Variants in CELA1 observed in about 807,000 individuals in gnomAD.
The protein encoded by CELA1 is chymotrypsin-like elastase family member 1.
A neutral mutation model predicts 34.8 loss-of-function variants in CELA1; 28 were observed. The ratio of observed to expected loss-of-function variants is 0.80; its 90% confidence interval spans 0.60 to 1.10. The LOEUF is 1.10. Among genes scored for constraint, CELA1 ranks in the 50% least tolerant of loss-of-function variants. The probability of loss-of-function intolerance (pLI) is 0.00; values close to 1 mark genes in which losing one functional copy is unlikely to be tolerated. For synonymous variants in CELA1, 140 were observed against 129.8 expected, an observed-to-expected ratio of 1.08 and a Z score of -0.53; for missense variants, 288 against 327.5, an observed-to-expected ratio of 0.88 and a Z score of 0.93.
chr12:51,342,205 T>G (rs1445412636), intron 4 of CELA1, among the ~76,000 whole-genome samples: 2 of 152,160 alleles, frequency 1.3e-5, no homozygotes, highest in Non-Finnish European at 2.9e-5. Flanking sequence ...TTTTTTTTTT[T>G]TGTATTTTTA....
At chr12:51,345,029 G>A (rs535689340) in intron 2 of CELA1, among the ~76,000 whole-genome samples, 36 of 152,098 alleles carry the variant, frequency 2.4e-4, no homozygotes, top group African/African-American at 8.0e-4. Context: ...GGAGGCTGAC[G>A]CAGGAGAACT....
chr12:51,328,707 A>G, intron 7 of CELA1, 113 bp from the exon 8 acceptor site: 1 of 1,206,614 alleles, frequency 8.3e-7, no homozygotes, highest in Non-Finnish European at 1.2e-6. Flanking sequence ...GGAAGTTGAC[A>G]GGGTGTGGGG....
Position 51,329,681 on chromosome 12 carries a change from C to T in CELA1, c.759+3G>A, listed in dbSNP as rs749438244. On this transcript the variant is annotated splice_donor_region_variant and intron_variant, in intron 7 of 7. Coordinates refer to ENST00000293636, the MANE Select transcript of CELA1 (RefSeq NM_001971.6). Reference sequence around the variant, plus strand: ...TTTCAACCCATCATTTGAGAGGACTCACATTATTTATCCAGGAGATGTAAG... The same window carrying T: ...TTTCAACCCATCATTTGAGAGGACTTACATTATTTATCCAGGAGATGTAAG... 15 of 1,606,696 alleles carry T rather than the reference C, an allele frequency of 9.3e-6. No homozygotes were observed. The highest frequency in any genetic ancestry group is 1.2e-5 in the Non-Finnish European group (14 of 1,176,768).
intron 7 of CELA1, 29 bp from the exon 8 acceptor site, chr12:51,328,623 C>CA: frequency 1.2e-6 from 2 of 1,610,818 alleles, no homozygotes; most frequent in South Asian, 2.2e-5. Context: ...TGTCCACAGT[C>CA]AGTAACTCCT....
chr12:51,332,347 G>A (rs1946474919), intron 6 of CELA1, among the ~76,000 whole-genome samples: 1 of 152,110 alleles, frequency 6.6e-6, no homozygotes, highest in South Asian at 2.1e-4. Context: ...AAAATGTCAT[G>A]CTTGGAGGGC....
intron 7 of CELA1, among the ~76,000 whole-genome samples, chr12:51,329,011 C>T (rs544588186): frequency 1.3e-5 from 2 of 152,184 alleles, no homozygotes; most frequent in South Asian, 4.2e-4. Context: ...AATCCCAGCA[C>T]TTTGGGTGGC....
At chr12:51,339,726 A>T in intron 6 of CELA1, 134 bp downstream of exon 6, 1 of 811,912 alleles carries the variant, frequency 1.2e-6, no homozygotes, top group Non-Finnish European at 1.9e-6. Flanking sequence ...GATCATTCTC[A>T]CTTAGACGCC....
chr12:51,339,502 G>A (rs2137480588), intron 6 of CELA1, among the ~76,000 whole-genome samples: 1 of 152,220 alleles, frequency 6.6e-6, no homozygotes. Context: ...AGTGAGCCGA[G>A]ATCGTCCCAT....
chr12:51,335,223 G>T (rs969635047), intron 6 of CELA1, among the ~76,000 whole-genome samples: 13 of 152,004 alleles, frequency 8.6e-5, no homozygotes, highest in Non-Finnish European at 1.9e-4. Flanking sequence ...GACTCTACAG[G>T]ATTCTTTCCT....
intron 6 of CELA1, among the ~76,000 whole-genome samples, chr12:51,332,084 T>C (rs745449786): frequency 6.6e-6 from 1 of 151,588 alleles, no homozygotes; most frequent in East Asian, 1.9e-4. Flanking sequence ...ACTCAGGAGA[T>C]TGAGGTGGGA....
intron 6 of CELA1, among the ~76,000 whole-genome samples, chr12:51,338,993 AAGAT>A (rs1946516838): frequency 6.6e-6 from 1 of 152,196 alleles, no homozygotes; most frequent in African/African-American, 2.4e-5. Context: ...AGAAATCTGT[AAGAT>A]AGTTTATGGC....
chr12:51,339,543 C>T (rs1448059980), intron 6 of CELA1, among the ~76,000 whole-genome samples: 7 of 152,144 alleles, frequency 4.6e-5, no homozygotes, highest in South Asian at 2.1e-4. Flanking sequence ...AAGAGCAAAA[C>T]TCCATCTCAA....
chr12:51,329,981 A>G (rs1946460509), intron 6 of CELA1, 148 bp from the exon 7 acceptor site: 1 of 625,744 alleles, frequency 1.6e-6, no homozygotes, highest in South Asian at 2.3e-5. Flanking sequence ...CACAATCAAA[A>G]TGAATCTCTT....
In CELA1 at chr12:51,342,651, C is replaced by A. The variant is rs1278654729; in HGVS notation, c.250G>T (p.Asp84Tyr). The change falls in exon 4 of 8, where the codon GAT (aspartate) becomes TAT (tyrosine). Residue 84 changes from aspartate to tyrosine, a missense_variant. Asp to Tyr is a radical substitution (Grantham distance 160). Coordinates refer to ENST00000293636, the MANE Select transcript of CELA1 (RefSeq NM_001971.6). The stretch of plus-strand genomic sequence containing the variant: ...ACACTCACGTACTGCTCAGTGCCAT[C>A]ATTCTGGCTCAGGTTATGGTCTCCA... ...VAGDHNLSQNDGTEQYVSVQK... is the reference protein window; with the variant it reads ...VAGDHNLSQNYGTEQYVSVQK... The A allele has an allele frequency of 1.2e-6, 2 of 1,614,054 alleles. No individual in the cohort carries two copies. The highest frequency in any genetic ancestry group is 1.3e-5 in the African/African-American group (1 of 74,922).
Position 51,328,519 on chromosome 12 carries a change from A to C in CELA1, c.*58T>G, listed in dbSNP as rs538058541. ...AGAATGTGTTTTACTTTTTGATCGC[A>C]AGTCCTACTGCAGATCTAAGAACCA... On this transcript the variant is annotated 3_prime_UTR_variant, in exon 8 of 8. Transcript: ENST00000293636. 19 of 1,578,714 alleles carry C rather than the reference A, an allele frequency of 1.2e-5. No individual in the cohort carries two copies. The South Asian group carries it at 2.0e-4, about 17-fold the overall frequency.
At chr12:51,333,096 A>AT (rs368851452) in intron 6 of CELA1, among the ~76,000 whole-genome samples, 74,074 of 141,554 alleles carry the variant, frequency 0.52, 19,695 homozygotes, top group South Asian at 0.67. Flanking sequence ...CTCCCCGTTA[A>AT]TTTTTTTTTT....
chr12:51,345,682 G>A, intron 2 of CELA1, 113 bp downstream of exon 2: 1 of 826,894 alleles, frequency 1.2e-6, no homozygotes, highest in East Asian at 2.7e-5. Flanking sequence ...CGAGAACCTA[G>A]ACAATTGGAG....
In CELA1 at chr12:51,345,411, T is replaced by C. The variant is rs73092882; in HGVS notation, c.99+384A>G. Among the ~76,000 whole-genome samples the C allele has an allele frequency of 7.9e-3, 1,201 of 152,240 alleles. 7 individuals carry two copies. Among genetic ancestry groups the C allele is most frequent in the African/African-American group, 0.022 (912 of 41,490 alleles). Reference sequence around the variant, plus strand: ...TGCTGTACGTGTGTGTGTGTGTGTGTGCGCGCACATGCGTGCAAGCATTGT... The same window carrying C: ...TGCTGTACGTGTGTGTGTGTGTGTGCGCGCGCACATGCGTGCAAGCATTGT... On this transcript the variant is annotated intron_variant, in intron 2 of 7. Transcript: ENST00000293636.
intron 6 of CELA1, among the ~76,000 whole-genome samples, chr12:51,332,346 T>C (rs922352023): frequency 6.6e-6 from 1 of 152,176 alleles, no homozygotes; most frequent in Non-Finnish European, 1.5e-5. Context: ...GAAAATGTCA[T>C]GCTTGGAGGG....
Sources: gnomAD v4.1 joint callset for allele counts (sites outside exome capture counted in the v4.1 genomes callset) on GRCh38, gnomAD v4.1.1 for gene constraint, MANE v1.5 for transcripts, NCBI Gene and HGNC (gene_info 2026-07-23, HGNC 2026-07-21) for gene names.